The following CNTN4 variants were observed in gnomAD, a reference collection of about 807,000 sequenced individuals.
CNTN4 encodes contactin 4.
Under a neutral mutation model 122.5 loss-of-function variants are expected in CNTN4, and 77 were observed. The ratio of observed to expected loss-of-function variants is 0.63; its 90% CI spans 0.52 to 0.76. The LOEUF is 0.76. Ranked by LOEUF, CNTN4 falls within the 30% of genes least tolerant of loss-of-function variation. The pLI is 0.00. For missense variants in CNTN4, 1,256 were observed against 1,259.1 expected, an observed-to-expected ratio of 1.00 and a Z score of 0.04; for synonymous variants, 512 against 447.0, an observed-to-expected ratio of 1.15 and a Z score of -1.83.
intron 3 of CNTN4, among the ~76,000 whole-genome samples, chr3:2,339,743 A>G (rs966161460): frequency 7.4e-5 from 11 of 149,608 alleles, no homozygotes; most frequent in African/African-American, 2.4e-4. Flanking sequence ...TAGATGTAAA[A>G]CAGTAAAATG....
chr3:2,245,719 A>T (rs907019531), intron 2 of CNTN4, among the ~76,000 whole-genome samples: 1 of 152,026 alleles, frequency 6.6e-6, no homozygotes, highest in Non-Finnish European at 1.5e-5. Context: ...TTGTAGGGTG[A>T]AAATTTGTAA....
At chr3:2,224,356 A>G (rs979231484) in intron 2 of CNTN4, among the ~76,000 whole-genome samples, 3 of 152,134 alleles carry the variant, frequency 2.0e-5, no homozygotes, top group African/African-American at 7.2e-5. Context: ...AGTTCCTAAT[A>G]GGCATCCCTG....
At chr3:2,620,785 C>G (rs184340211) in intron 4 of CNTN4, among the ~76,000 whole-genome samples, 33 of 152,218 alleles carry the variant, frequency 2.2e-4, no homozygotes, top group African/African-American at 5.5e-4. Flanking sequence ...ATACAGCCCC[C>G]CTCCTGTGTA....
intron 13 of CNTN4, chr3:2,927,516 A>G (rs2094484638): frequency 6.9e-6 from 2 of 291,020 alleles, no homozygotes; most frequent in South Asian, 3.4e-5. Flanking sequence ...TAATCTTGCT[A>G]TGTGCCTGGA....
intron 2 of CNTN4, among the ~76,000 whole-genome samples, chr3:2,181,887 C>T (rs147658532): frequency 0.015 from 2,228 of 152,168 alleles, 29 homozygotes; most frequent in Admixed American, 0.03. Context: ...TATAACACTA[C>T]ATAAGCAAAT....
intron 2 of CNTN4, among the ~76,000 whole-genome samples, chr3:2,158,457 C>T (rs1431620704): frequency 1.3e-5 from 2 of 152,190 alleles, no homozygotes; most frequent in Admixed American, 6.5e-5. Flanking sequence ...GGGACACATT[C>T]AGCTGCTGCA....
chr3:2,609,002 C>T (rs951696268), intron 4 of CNTN4, among the ~76,000 whole-genome samples: 3 of 152,160 alleles, frequency 2.0e-5, no homozygotes, highest in Admixed American at 1.3e-4. Context: ...TAATCAACAA[C>T]AGAAATTTTT....
chr3:2,237,394 G>A (rs1361758742), intron 2 of CNTN4, among the ~76,000 whole-genome samples: 5 of 152,118 alleles, frequency 3.3e-5, no homozygotes, highest in Non-Finnish European at 5.9e-5. Context: ...AGGATCGCTT[G>A]AGGCCAAGAG....
rs1699148122 is a variant in CNTN4 at position 3,031,366 on chromosome 3, T to TAA, written c.1783+392_1783+393dup. On this transcript the variant is annotated intron_variant, in intron 16 of 24. Transcript: ENST00000418658. ...GAATTAGTATCCTAGGCCACTGGTA[T>TAA]AACAGCAGCTTAAGTAAAGTCATCA... Among the ~76,000 whole-genome samples, 4 of 152,332 alleles carry TAA rather than the reference T, an allele frequency of 2.6e-5. No homozygotes were observed. In the South Asian group the frequency reaches 8.3e-4, roughly 32 times the overall value.
At chr3:2,526,470 G>A (rs1178798493) in intron 3 of CNTN4, among the ~76,000 whole-genome samples, 2 of 152,046 alleles carry the variant, frequency 1.3e-5, no homozygotes, top group African/African-American at 4.8e-5. Flanking sequence ...CAAAGTTGAA[G>A]TTTATGAATG....
chr3:2,292,742 G>C (rs2042179443), intron 2 of CNTN4, among the ~76,000 whole-genome samples: 1 of 152,146 alleles, frequency 6.6e-6, no homozygotes, highest in African/African-American at 2.4e-5. Context: ...TCTATCAGTA[G>C]TGTGATCTTT....
At chr3:2,678,086 G>A (rs1373849083) in intron 4 of CNTN4, among the ~76,000 whole-genome samples, 1 of 151,834 alleles carries the variant, frequency 6.6e-6, no homozygotes, top group African/African-American at 2.4e-5. Context: ...AAAAAAAGGG[G>A]GTACATTTTC....
intron 4 of CNTN4, among the ~76,000 whole-genome samples, chr3:2,698,971 C>T (rs534930359): frequency 2.0e-5 from 3 of 151,842 alleles, no homozygotes; most frequent in East Asian, 3.9e-4. Context: ...TGCAGTGAGC[C>T]GAGATAGTGC....
At chr3:2,300,520 G>A (rs904028215) in intron 2 of CNTN4, among the ~76,000 whole-genome samples, 16 of 139,416 alleles carry the variant, frequency 1.1e-4, no homozygotes, top group African/African-American at 4.2e-4. Flanking sequence ...TTTCCATTTA[G>A]CCCCATCAAA....
chr3:2,639,027 G>A (rs1471180530), intron 4 of CNTN4, among the ~76,000 whole-genome samples: 1 of 152,042 alleles, frequency 6.6e-6, no homozygotes, highest in Non-Finnish European at 1.5e-5. Context: ...TTTACAATTT[G>A]GTCTCACTGC....
chr3:2,978,686 C>T (rs763557455), intron 13 of CNTN4, among the ~76,000 whole-genome samples: 16 of 152,158 alleles, frequency 1.1e-4, no homozygotes, highest in Non-Finnish European at 1.9e-4. Context: ...CCAATTCTGT[C>T]CTGCCTTGTG....
At chr3:2,383,948 G>A (rs114762407) in intron 3 of CNTN4, among the ~76,000 whole-genome samples, 82 of 152,208 alleles carry the variant, frequency 5.4e-4, no homozygotes, top group African/African-American at 1.9e-3. Flanking sequence ...GACCTTCTGT[G>A]TATGTATATA....
At chr3:2,727,619 G>A (rs1025756751) in intron 4 of CNTN4, among the ~76,000 whole-genome samples, 12 of 152,250 alleles carry the variant, frequency 7.9e-5, no homozygotes, top group Admixed American at 7.2e-4. Flanking sequence ...TCCCCAAGGA[G>A]AGACCCTTTT....
intron 13 of CNTN4, among the ~76,000 whole-genome samples, chr3:2,945,271 A>C (rs1162141632): frequency 6.6e-6 from 1 of 152,204 alleles, no homozygotes; most frequent in Non-Finnish European, 1.5e-5. Flanking sequence ...TTAGCCAATT[A>C]GTCTTCAACA....
Sources: allele counts gnomAD v4.1 joint callset (sites outside exome capture counted in the v4.1 genomes callset), GRCh38; gene constraint gnomAD v4.1.1; transcripts MANE v1.5; gene names NCBI Gene and HGNC (gene_info 2026-07-23, HGNC 2026-07-21).